Variants in ITIH1 observed in about 807,000 individuals in gnomAD.
The protein encoded by ITIH1 is inter-alpha-trypsin inhibitor heavy chain H1.
Under a neutral mutation model 104.6 loss-of-function variants are expected in ITIH1, and 94 were observed. The ratio of observed to expected loss-of-function variants is 0.90; its 90% CI spans 0.76 to 1.07. The LOEUF is 1.07. Among genes scored for constraint, ITIH1 ranks in the 50% least tolerant of loss-of-function variants. The probability of loss-of-function intolerance (pLI) is 0.00; values close to 1 mark genes in which losing one functional copy is unlikely to be tolerated. For synonymous variants in ITIH1, 455 were observed against 464.4 expected (o/e 0.98, Z 0.26); for missense variants, 1,193 against 1,181.4 (o/e 1.01, Z -0.14).
intron 10 of ITIH1, among the ~76,000 whole-genome samples, 172 bp downstream of exon 10, chr3:52,783,511 T>C (rs1437890770): frequency 1.3e-5 from 2 of 152,136 alleles, no homozygotes; most frequent in Non-Finnish European, 2.9e-5. Flanking sequence ...CTGAGGGAGC[T>C]CTATGGTGTA....
intron 12 of ITIH1, among the ~76,000 whole-genome samples, chr3:52,785,692 G>A (rs565942178): frequency 2.6e-5 from 4 of 152,318 alleles, no homozygotes; most frequent in East Asian, 1.9e-4. Flanking sequence ...AAGTGTGGTC[G>A]AAGGTTCAGA....
chr3:52,788,562 CT>C (rs375504966), intron 18 of ITIH1, among the ~76,000 whole-genome samples: 530 of 139,568 alleles, frequency 3.8e-3, no homozygotes, highest in Non-Finnish European at 6.3e-3. Context: ...CACACAGGGG[CT>C]TTTTTTTTTT....
chr3:52,785,370 C>T, intron 12 of ITIH1, 141 bp downstream of exon 12: 1 of 771,892 alleles, frequency 1.3e-6, no homozygotes, highest in Non-Finnish European at 2.0e-6. Flanking sequence ...GCCACATACA[C>T]CCCAGGCCTG....
rs750093640 is a variant in ITIH1 at position 52,783,268 on chromosome 3, A to G, written c.1154A>G (p.Gln385Arg). The change falls in exon 10 of 22, where the codon CAG becomes CGG. Residue 385 changes from glutamine to arginine, a missense_variant. Physicochemically the swap from Gln to Arg is conservative, Grantham distance 43. Transcript: ENST00000273283. ...GGAATTGAGATCTTGAACCAAGTTCAGGAAAGCCTCCCAGAACTCAGCAAC... is the reference window on the plus strand; with the variant it reads ...GGAATTGAGATCTTGAACCAAGTTCGGGAAAGCCTCCCAGAACTCAGCAAC... Reference protein sequence around the residue: ...LRGIEILNQVQESLPELSNHA... With the variant: ...LRGIEILNQVRESLPELSNHA... 6.2e-7 allele frequency: 1 copy of G among 1,614,206 alleles called. No homozygotes were observed. The highest frequency in any genetic ancestry group is 1.1e-5 in the South Asian group (1 of 91,086).
chr3:52,781,888 CTTGT>C, intron 6 of ITIH1, 48 bp from the exon 7 acceptor site: 1 of 1,599,226 alleles, frequency 6.3e-7, no homozygotes, highest in Non-Finnish European at 8.5e-7. Flanking sequence ...TTGCAAACAT[CTTGT>C]TTGTGGTTAC....
At position 52,777,697 on chromosome 3, in the gene ITIH1, C is replaced by A; in HGVS notation, c.82C>A (p.Leu28Met). ...CCTCATCCTGCAGGCCATGCCTGCCCTGGGCTCGGCTACAGGCAGGTCCAA... is the reference window on the plus strand; with the variant it reads ...CCTCATCCTGCAGGCCATGCCTGCCATGGGCTCGGCTACAGGCAGGTCCAA... ...SLLILQAMPA[L>M]GSATGRSKSS... The change falls in exon 1 of 22, where the codon CTG becomes ATG. Residue 28 changes from leucine (L) to methionine (M), a missense_variant. By Grantham distance (15) the Leu-to-Met change is conservative. Coordinates refer to ENST00000273283, the MANE Select transcript of ITIH1 (RefSeq NM_002215.4). 6.2e-7 allele frequency: 1 copy of A among 1,601,990 alleles called. No homozygotes were observed. The highest frequency in any genetic ancestry group is 8.5e-7 in the Non-Finnish European group (1 of 1,174,820).
At position 52,783,082 on chromosome 3, in the gene ITIH1, A is replaced by G. The variant is rs1271340687; in HGVS notation, c.1056A>G (p.Leu352=). Residue 352 remains leucine, a synonymous_variant, in exon 9 of 22, where the codon CTA becomes CTG. Coordinates refer to ENST00000273283, the MANE Select transcript of ITIH1 (RefSeq NM_002215.4). ...GSLVQASEAN[L]QAAQDFVRGF... ...TGGTGCAAGCATCTGAGGCCAACCTACAAGCAGCTCAAGACTTTGTGCGGG... is the reference window on the plus strand; with the variant it reads ...TGGTGCAAGCATCTGAGGCCAACCTGCAAGCAGCTCAAGACTTTGTGCGGG... 1 of 1,614,092 alleles carries G rather than the reference A, an allele frequency of 6.2e-7. No homozygotes were observed.
Position 52,786,324 on chromosome 3 carries a change from A to G in ITIH1, c.1623A>G (p.Leu541=). 1 of 1,572,900 alleles carries G rather than the reference A, an allele frequency of 6.4e-7. No individual in the cohort carries two copies. Among genetic ancestry groups the G allele is most frequent in the East Asian group, 2.3e-5 (1 of 43,394 alleles). ...GACAAGAATTCAGTATAACCTGCCT[A>G]GTGGATGAGGAGGAGATGAAGAAAC... ...GEGQEFSITC[L]VDEEEMKKLL... Residue 541 remains leucine, a synonymous_variant, in exon 13 of 22, where the codon CTA becomes CTG. Transcript: ENST00000273283.
intron 3 of ITIH1, 80 bp from the exon 4 acceptor site, chr3:52,778,862 G>A (rs1388230379): frequency 3.4e-6 from 4 of 1,166,846 alleles, no homozygotes; most frequent in South Asian, 1.2e-5. Flanking sequence ...CTTATCCAAG[G>A]GCTCACATGG....
At chr3:52,777,934 A>C in intron 1 of ITIH1, 63 bp from the exon 2 acceptor site, 1 of 1,605,240 alleles carries the variant, frequency 6.2e-7, no homozygotes, top group Non-Finnish European at 8.5e-7. Flanking sequence ...CCCATCCCTG[A>C]ACTGGCAGGC....
In ITIH1 at chr3:52,778,933, T is replaced by A. The variant is rs1450122483; in HGVS notation, c.306-9T>A. 1.9e-6 allele frequency: 3 copies of A among 1,597,174 alleles called. No individual in the cohort carries two copies. Among genetic ancestry groups the A allele is most frequent in the Non-Finnish European group, 2.6e-6 (3 of 1,164,546 alleles). ...CATCTTTCCTGAGGGTGTCCTTCCC[T>A]CCCTGCAGTACAGCAGATGGAAACG... On this transcript the variant is annotated splice_polypyrimidine_tract_variant and intron_variant, in intron 3 of 21. Coordinates refer to ENST00000273283, the MANE Select transcript of ITIH1 (RefSeq NM_002215.4).
At chr3:52,786,536 A>G (rs1699209518) in intron 13 of ITIH1, 102 bp downstream of exon 13, 5 of 1,146,160 alleles carry the variant, frequency 4.4e-6, no homozygotes, top group Non-Finnish European at 6.2e-6. Context: ...CAAGTAGGTC[A>G]GATTTACTTT....
At chr3:52,782,831 T>G (rs1268437961) in intron 8 of ITIH1, 126 bp from the exon 9 acceptor site, 4 of 929,938 alleles carry the variant, frequency 4.3e-6, no homozygotes, top group East Asian at 2.5e-5. Context: ...CGGGGCCACC[T>G]GGTTGTCCTA....
intron 13 of ITIH1, 106 bp from the exon 14 acceptor site, chr3:52,786,839 C>CGAAT (rs36051478): frequency 0.017 from 19,649 of 1,174,554 alleles, 342 homozygotes; most frequent in South Asian, 0.08. Flanking sequence ...ACTTATGTGT[C>CGAAT]GAATGAATGA....
chr3:52,782,764 C>A (rs1699095986), intron 8 of ITIH1, among the ~76,000 whole-genome samples, 193 bp from the exon 9 acceptor site: 1 of 152,110 alleles, frequency 6.6e-6, no homozygotes, highest in Non-Finnish European at 1.5e-5. Context: ...ATGGTGGGTT[C>A]CTTTGCCTTC....
chr3:52,779,666 AC>A lies in ITIH1; in HGVS notation c.573+75del. 1 of 1,552,588 alleles carries A rather than the reference AC, an allele frequency of 6.4e-7. No homozygotes were observed. The highest frequency in any genetic ancestry group is 2.2e-5 in the East Asian group (1 of 44,530). Reference sequence around the variant, plus strand: ...CCATGGCTCCCAACACTGGTTGAGCACCCACCATGTGTCACCACCCAGGCCT... The same window carrying A: ...CCATGGCTCCCAACACTGGTTGAGCACCACCATGTGTCACCACCCAGGCCT... On this transcript the variant is annotated intron_variant, in intron 5 of 21. Transcript: ENST00000273283. This position sits in a 1 kb window ranked among gnomAD's most constrained non-coding sequence, Gnocchi z 4.4.
Position 52,780,282 on chromosome 3 carries a change from T to C in ITIH1, c.587T>C (p.Ile196Thr), listed in dbSNP as rs376677198. 1.0e-4 allele frequency: 163 copies of C among 1,613,056 alleles called. 1 individual carries two copies. In the African/African-American group the frequency reaches 2.1e-3, roughly 21 times the overall value. Reference sequence around the variant, plus strand: ...TCAATGTTGCAGATTGATGTGGACATCTTCGAGCCCCAGGGGATCAGCAAG... The same window carrying C: ...TCAATGTTGCAGATTGATGTGGACACCTTCGAGCCCCAGGGGATCAGCAAG... ...LVHHFEIDVD[I>T]FEPQGISKLD... The change falls in exon 6 of 22, where the codon ATC becomes ACC. Residue 196 changes from isoleucine to threonine, a missense_variant. Ile to Thr is a moderately conservative substitution (Grantham distance 89). Transcript: ENST00000273283.
chr3:52,783,985 G>A (rs541712721), intron 10 of ITIH1, among the ~76,000 whole-genome samples: 1 of 152,274 alleles, frequency 6.6e-6, no homozygotes, highest in Admixed American at 6.5e-5. Context: ...TGTGCAGAAT[G>A]GGGTAAAACA....
chr3:52,781,650 A>G (rs955619557), intron 6 of ITIH1, among the ~76,000 whole-genome samples: 1 of 152,082 alleles, frequency 6.6e-6, no homozygotes, highest in African/African-American at 2.4e-5. Flanking sequence ...GAGTTGTCAG[A>G]TGTATCACAT....
Sources: gnomAD v4.1 joint callset for allele counts (sites outside exome capture counted in the v4.1 genomes callset) on GRCh38, gnomAD v4.1.1 for gene constraint, Gnocchi (gnomAD v3.1) non-coding constraint, MANE v1.5 for transcripts, NCBI Gene and HGNC (gene_info 2026-07-23, HGNC 2026-07-21) for gene names.